The following AK9 variants were observed in gnomAD, a reference collection of about 807,000 sequenced individuals.
AK9 encodes the protein adenylate kinase domain containing 1.
A neutral mutation model predicts 239.6 loss-of-function variants in AK9; 191 were observed. The ratio of observed to expected loss-of-function variants is 0.80; its 90% CI spans 0.71 to 0.90. The LOEUF (loss-of-function observed/expected upper bound fraction) is 0.90, where lower values mean the gene tolerates loss of function less well. Ranked by LOEUF, AK9 falls within the 40% of genes least tolerant of loss-of-function variation. The pLI is 0.00. For missense variants in AK9, 1,995 were observed against 2,214.7 expected (o/e 0.90, Z 1.99); for synonymous variants, 689 against 721.0 (o/e 0.96, Z 0.71).
chr6:109,675,144 C>T (rs1166353331), intron 2 of AK9, among the ~76,000 whole-genome samples: 1 of 152,138 alleles, frequency 6.6e-6, no homozygotes, highest in African/African-American at 2.4e-5. Context: ...CCTATCTTCA[C>T]ATATCCACAG....
chr6:109,655,060 TGCACTAGG>T (rs1012724526), intron 8 of AK9, among the ~76,000 whole-genome samples: 1 of 152,230 alleles, frequency 6.6e-6, no homozygotes, highest in African/African-American at 2.4e-5. Flanking sequence ...ACTGCTTTGT[TGCACTAGG>T]GCAATGAATT....
At chr6:109,518,752 T>C (rs9386810) in intron 29 of AK9, among the ~76,000 whole-genome samples, 13,072 of 152,100 alleles carry the variant, frequency 0.086, 917 homozygotes, top group African/African-American at 0.19. Context: ...AAATTAGCAA[T>C]ATATTTAAAT....
intron 12 of AK9, among the ~76,000 whole-genome samples, chr6:109,623,903 ACAT>A (rs1407066140): frequency 4.7e-5 from 6 of 127,404 alleles, no homozygotes; most frequent in African/African-American, 1.8e-4. Flanking sequence ...ACACACACAC[ACAT>A]TTCTTCTCCC....
At chr6:109,559,998 C>T (rs750744692) in intron 24 of AK9, among the ~76,000 whole-genome samples, 3 of 152,198 alleles carry the variant, frequency 2.0e-5, no homozygotes, top group Non-Finnish European at 4.4e-5. Flanking sequence ...CACCTTCTCT[C>T]TGACTTCCTG....
chr6:109,677,021 T>C (rs770970750), intron 1 of AK9, among the ~76,000 whole-genome samples: 2 of 152,178 alleles, frequency 1.3e-5, no homozygotes, highest in South Asian at 2.1e-4. Context: ...TTCTCACTTA[T>C]ACGTGGGAAC....
At chr6:109,550,878 G>A (rs1472899889) in intron 24 of AK9, among the ~76,000 whole-genome samples, 1 of 152,002 alleles carries the variant, frequency 6.6e-6, no homozygotes, top group Non-Finnish European at 1.5e-5. Context: ...CTTAAAAAAT[G>A]TTTTTTATGA....
At chr6:109,632,288 G>A in intron 12 of AK9, 1 of 985,558 alleles carries the variant, frequency 1.0e-6, no homozygotes, top group Non-Finnish European at 1.2e-6. Flanking sequence ...CTTTAGCCAT[G>A]ATCTTGTGCC....
chr6:109,605,643 A>C (rs114365016), intron 17 of AK9, among the ~76,000 whole-genome samples: 3,167 of 152,250 alleles, frequency 0.021, 99 homozygotes, highest in African/African-American at 0.073. Context: ...GGCATCTCCC[A>C]TGCCTTCAGG....
At chr6:109,583,918 G>A (rs1339587680) in intron 19 of AK9, among the ~76,000 whole-genome samples, 1 of 152,088 alleles carries the variant, frequency 6.6e-6, no homozygotes, top group Non-Finnish European at 1.5e-5. Context: ...ACTGGAAAAA[G>A]ATTAAGTAAT....
chr6:109,602,868 T>A (rs1176568839), intron 17 of AK9, among the ~76,000 whole-genome samples: 1 of 152,246 alleles, frequency 6.6e-6, no homozygotes, highest in Non-Finnish European at 1.5e-5. Context: ...TCGAATTGGC[T>A]ACTGAAGCTT....
At chr6:109,545,792 G>A in intron 26 of AK9, 75 bp downstream of exon 26, 1 of 1,502,502 alleles carries the variant, frequency 6.7e-7, no homozygotes, top group Non-Finnish European at 8.9e-7. Context: ...GACAGATGGA[G>A]ACCCTGTCTC....
intron 25 of AK9, among the ~76,000 whole-genome samples, chr6:109,547,149 T>C (rs1052625439): frequency 4.6e-5 from 7 of 152,162 alleles, no homozygotes; most frequent in African/African-American, 1.7e-4. Flanking sequence ...GGGGCTTCTT[T>C]GTGAGGGCAC....
At position 109,671,999 on chromosome 6, in the gene AK9, A is replaced by T; in HGVS notation, c.251T>A (p.Ile84Asn). The T allele has an allele frequency of 3.7e-6, 6 of 1,614,032 alleles. No homozygotes were observed. Among genetic ancestry groups the T allele is most frequent in the Non-Finnish European group, 5.1e-6 (6 of 1,179,948 alleles). The change falls in exon 5 of 41, where the codon ATC (isoleucine) becomes AAC (asparagine). Residue 84 changes from isoleucine (I) to asparagine (N), a missense_variant. This residue lies in a region of AK9 where 252 missense variants were observed against 246.4 expected (regional missense o/e 1.02). Coordinates refer to ENST00000424296, the MANE Select transcript of AK9 (RefSeq NM_001145128.3). ...ESGVMLQSML[I>N]SGQSIPDELV... ...TTCATCTGGAATGCTTTGACCGCTGATCAACATTGATTGCAACTAAGGACA... is the reference window on the plus strand; with the variant it reads ...TTCATCTGGAATGCTTTGACCGCTGTTCAACATTGATTGCAACTAAGGACA...
chr6:109,668,245 GT>G (rs932611846), intron 5 of AK9, among the ~76,000 whole-genome samples: 20 of 148,796 alleles, frequency 1.3e-4, no homozygotes, highest in East Asian at 7.9e-4. Context: ...TTTTGATGGG[GT>G]TTTTTTTTTC....
chr6:109,616,397 TTTTC>T (rs1385681143), intron 13 of AK9, among the ~76,000 whole-genome samples: 1 of 152,234 alleles, frequency 6.6e-6, no homozygotes, highest in African/African-American at 2.4e-5. Flanking sequence ...TTTCATTTTT[TTTTC>T]TTTCTTTTTT....
intron 8 of AK9, among the ~76,000 whole-genome samples, chr6:109,652,609 T>G (rs1479414112): frequency 6.6e-6 from 1 of 152,260 alleles, no homozygotes; most frequent in Non-Finnish European, 1.5e-5. Flanking sequence ...GTTTGACATT[T>G]AGGTATGTTA....
intron 17 of AK9, among the ~76,000 whole-genome samples, chr6:109,595,585 A>C (rs1043283506): frequency 5.3e-5 from 8 of 152,232 alleles, no homozygotes; most frequent in South Asian, 2.1e-4. Context: ...ACAATACCCA[A>C]GACTTGGATC....
intron 28 of AK9, among the ~76,000 whole-genome samples, chr6:109,532,594 T>C (rs1320673847): frequency 6.6e-6 from 1 of 152,236 alleles, no homozygotes; most frequent in African/African-American, 2.4e-5. Flanking sequence ...TCATTCCTTC[T>C]TAATGCTGAG....
At chr6:109,524,814 G>A (rs570329492) in intron 29 of AK9, among the ~76,000 whole-genome samples, 3 of 152,188 alleles carry the variant, frequency 2.0e-5, no homozygotes, top group South Asian at 2.1e-4. Flanking sequence ...GTGGGTTGGA[G>A]ATGGGTGGGG....
Sources: allele counts gnomAD v4.1 joint callset (sites outside exome capture counted in the v4.1 genomes callset), GRCh38; gene constraint gnomAD v4.1.1; regional missense constraint gnomAD v4.1.1; transcripts MANE v1.5; gene names NCBI Gene and HGNC (gene_info 2026-07-23, HGNC 2026-07-21).